FANCD2OS: variants seen among roughly 807,000 people sequenced by gnomAD.
FANCD2OS encodes the protein FANCD2 opposite strand.
Under a neutral mutation model 13.2 loss-of-function variants are expected in FANCD2OS, and 11 were observed. The observed-to-expected ratio is 0.83, with a 90% CI of 0.52 to 1.38. The LOEUF is 1.38. FANCD2OS is among the 40% of genes most tolerant of loss of function. The pLI, the probability that FANCD2OS is intolerant of heterozygous loss-of-function variation, is 0.00. For synonymous variants in FANCD2OS, 69 were observed against 84.5 expected (o/e 0.82, Z 1.01); for missense variants, 217 against 213.9 (o/e 1.01, Z -0.09).
chr3:10,104,527 T>C lies in FANCD2OS; in HGVS notation c.248A>G (p.Asn83Ser), dbSNP rs898392610. ...GGGCTTCCTGACCAGTCCTTTGTTGTTCATCGTGCGCAACTCTGATGTGTG... is the reference window on the plus strand; with the variant it reads ...GGGCTTCCTGACCAGTCCTTTGTTGCTCATCGTGCGCAACTCTGATGTGTG... ...PCHTSELRTM[N>S]NKGLVRKPQP... Residue 83 changes from asparagine to serine, a missense_variant, in exon 2 of 2, where the codon AAC becomes AGC. Transcript: ENST00000450660. 1.9e-6 allele frequency: 3 copies of C among 1,614,214 alleles called. No individual in the cohort carries two copies. The highest frequency in any genetic ancestry group is 1.7e-6 in the Non-Finnish European group (2 of 1,180,042).
Position 10,104,239 on chromosome 3 carries a change from C to A in FANCD2OS, c.*2G>T. On this transcript the variant is annotated 3_prime_UTR_variant, in exon 2 of 2. Transcript: ENST00000450660. ...AGTAAATGGGGATCAAATGAGGACC[C>A]TTTACTTGGAGTGCTGCAAGGCAAA... 6.2e-7 allele frequency: 1 copy of A among 1,600,062 alleles called. No homozygotes were observed. The highest frequency in any genetic ancestry group is 1.1e-5 in the South Asian group (1 of 88,422).
chr3:10,095,379 C>A (rs878944271), intron 2 of FANCD2OS: 22 of 935,106 alleles, frequency 2.4e-5, no homozygotes, highest in South Asian at 9.7e-5. Flanking sequence ...ATATCTGGGA[C>A]TGTGTCTGTC....
chr3:10,095,465 T>C, intron 2 of FANCD2OS: 1 of 608,454 alleles, frequency 1.6e-6, no homozygotes, highest in East Asian at 2.8e-5. Context: ...AATCTCCGCA[T>C]CTGAAATTTG....
intron 2 of FANCD2OS, among the ~76,000 whole-genome samples, chr3:10,091,119 C>G (rs906634222): frequency 3.3e-5 from 5 of 149,366 alleles, no homozygotes; most frequent in Non-Finnish European, 7.4e-5. Flanking sequence ...CTGAGTCTGA[C>G]ATCCAGGTTG....
chr3:10,083,098 G>C (rs1693945934), intron 2 of FANCD2OS, among the ~76,000 whole-genome samples: 1 of 152,136 alleles, frequency 6.6e-6, no homozygotes, highest in African/African-American at 2.4e-5. Context: ...ATGGTGGCAT[G>C]CATCTGTAGT....
chr3:10,097,846 A>AAG (rs1695065950), intron 2 of FANCD2OS, among the ~76,000 whole-genome samples: 1 of 152,208 alleles, frequency 6.6e-6, no homozygotes, highest in African/African-American at 2.4e-5. Context: ...GAAATTACAA[A>AAG]AGTATTAATT....
intron 2 of FANCD2OS, chr3:10,088,920 C>G (rs1036974475): frequency 6.2e-7 from 1 of 1,614,022 alleles, no homozygotes; most frequent in Non-Finnish European, 8.5e-7. Context: ...CCTAAAGATG[C>G]ATCTTCCTCC....
chr3:10,085,394 CTTTTT>C (rs1242296810), intron 2 of FANCD2OS, among the ~76,000 whole-genome samples: 1 of 136,934 alleles, frequency 7.3e-6, no homozygotes. Context: ...TTTTTTCTTT[CTTTTT>C]TTTTTTTTTT....
At chr3:10,101,335 C>T (rs563842075), downstream of FANCD2OS, 132 of 1,091,346 alleles carry the variant, frequency 1.2e-4, no homozygotes, top group African/African-American at 1.6e-3. Context: ...GTTTGAAATC[C>T]GCTGTTTGCC....
At chr3:10,092,447 T>C (rs1418380043) in intron 2 of FANCD2OS, among the ~76,000 whole-genome samples, 1 of 151,822 alleles carries the variant, frequency 6.6e-6, no homozygotes, top group Non-Finnish European at 1.5e-5. Context: ...TTTTTTGTCT[T>C]TTCCTTCCTT....
At chr3:10,093,800 C>G (rs1694794695) in intron 2 of FANCD2OS, among the ~76,000 whole-genome samples, 1 of 152,212 alleles carries the variant, frequency 6.6e-6, no homozygotes, top group African/African-American at 2.4e-5. Context: ...CGCCACTCCT[C>G]AAGTTTCCTT....
intron 1 of FANCD2OS, among the ~76,000 whole-genome samples, chr3:10,106,488 G>A (rs751569902): frequency 6.6e-6 from 1 of 152,142 alleles, no homozygotes; most frequent in Non-Finnish European, 1.5e-5. Context: ...CTAGCCAAGT[G>A]TATTTCTCTG....
chr3:10,083,240 T>A (rs576558480), intron 2 of FANCD2OS, among the ~76,000 whole-genome samples: 161 of 151,026 alleles, frequency 1.1e-3, no homozygotes, highest in African/African-American at 3.8e-3. Context: ...AAAAAAAAAA[T>A]CTGGGCCCCA....
intron 2 of FANCD2OS, chr3:10,087,105 AT>A: frequency 6.2e-7 from 1 of 1,613,290 alleles, no homozygotes; most frequent in African/African-American, 1.3e-5. Flanking sequence ...ATACTATTGC[AT>A]TTGTTTGTTT....
At chr3:10,095,624 C>T (rs940421068) in intron 2 of FANCD2OS, among the ~76,000 whole-genome samples, 1 of 152,242 alleles carries the variant, frequency 6.6e-6, no homozygotes. Context: ...GGCTCTAAAG[C>T]AGCCATCTGT....
chr3:10,087,018 G>A, intron 2 of FANCD2OS: 2 of 1,102,876 alleles, frequency 1.8e-6, no homozygotes, highest in Non-Finnish European at 2.8e-6. Flanking sequence ...AAATAAGGAG[G>A]ATTCTGATTA....
chr3:10,090,257 A>G (rs1363728782), intron 2 of FANCD2OS: 1 of 1,493,802 alleles, frequency 6.7e-7, no homozygotes, highest in South Asian at 1.1e-5. Context: ...GCAGTGCATC[A>G]TGGTGTGGGC....
chr3:10,087,862 T>C (rs1197973792), intron 2 of FANCD2OS, among the ~76,000 whole-genome samples: 1 of 152,098 alleles, frequency 6.6e-6, no homozygotes, highest in East Asian at 1.9e-4. Flanking sequence ...TTGGTCAGGC[T>C]GGTCTCGAAC....
At chr3:10,085,712 T>A in intron 2 of FANCD2OS, 1 of 838,232 alleles carries the variant, frequency 1.2e-6, no homozygotes, top group Non-Finnish European at 2.1e-6. Context: ...TTTCAAACCG[T>A]TAAACTATTG....
Sources: allele counts gnomAD v4.1 joint callset (sites outside exome capture counted in the v4.1 genomes callset), GRCh38; gene constraint gnomAD v4.1.1; transcripts MANE v1.5; gene names NCBI Gene and HGNC (gene_info 2026-07-23, HGNC 2026-07-21).